The following FSCN1 variants were observed in gnomAD, a reference collection of about 807,000 sequenced individuals.
FSCN1 encodes the protein fascin.
In FSCN1, 10 loss-of-function variants were observed where a neutral mutation model predicts 39.7. That is an observed-to-expected ratio of 0.25 (90% CI 0.16 to 0.43). The LOEUF (loss-of-function observed/expected upper bound fraction) is 0.43, where lower values mean the gene tolerates loss of function less well. FSCN1 is among the 20% of genes least tolerant of loss of function. FSCN1 has a pLI of 1.00. For synonymous variants in FSCN1, 322 were observed against 320.0 expected, an observed-to-expected ratio of 1.01 and a Z score of -0.07; for missense variants, 525 against 723.8, an observed-to-expected ratio of 0.73 and a Z score of 3.15.
chr7:5,603,314 A>G lies in FSCN1; in HGVS notation c.890A>G (p.Glu297Gly), dbSNP rs1785868151. ...EETDQETFQL[E>G]IDRDTKKCAF... is the part of the protein sequence containing the mutation. ...ACCGACCAGGAGACCTTCCAGCTGG[A>G]GATCGACCGCGACACCAAAAAGTGT... The change falls in exon 2 of 5, where the codon GAG becomes GGG. Residue 297 changes from glutamate to glycine, a missense_variant. Around this residue, in one of 3 missense-constraint regions of FSCN1, gnomAD observed 275 missense variants for 351.9 expected, o/e 0.78. Coordinates refer to ENST00000382361, the MANE Select transcript of FSCN1 (RefSeq NM_003088.4). This position sits in a 1 kb window ranked among gnomAD's most constrained non-coding sequence, Gnocchi z 8.5. 2 of 1,613,414 alleles carry G rather than the reference A, an allele frequency of 1.2e-6. No homozygotes were observed. The highest frequency in any genetic ancestry group is 8.5e-7 in the Non-Finnish European group (1 of 1,180,026).
At chr7:5,594,662 G>A (rs370173394) in intron 1 of FSCN1, 27 of 152,184 alleles carry the variant, frequency 1.8e-4, no homozygotes, top group South Asian at 1.0e-3. Flanking sequence ...CCCGGGAACG[G>A]CGTGGCGCGG....
rs141031874 is a variant in FSCN1 at position 5,596,825 on chromosome 7, A to T, written c.832+3057A>T. On this transcript the variant is annotated intron_variant, in intron 1 of 4. Coordinates refer to ENST00000382361, the MANE Select transcript of FSCN1 (RefSeq NM_003088.4). ...AGCCCAGGGAATGGCTTGTATAAGG[A>T]TGCAGAGGCATTTGAAATGGCCAAG... Among the ~76,000 whole-genome samples the T allele has an allele frequency of 3.9e-4, 59 of 152,312 alleles. 1 individual carries two copies. Among genetic ancestry groups the T allele is most frequent in the African/African-American group, 1.4e-3 (59 of 41,574 alleles).
At chr7:5,602,067 C>T (rs1785841537) in intron 1 of FSCN1, among the ~76,000 whole-genome samples, 1 of 151,768 alleles carries the variant, frequency 6.6e-6, no homozygotes, top group African/African-American at 2.4e-5. Flanking sequence ...GCCTCAGCCT[C>T]AGGCAATTTT....
Position 5,605,415 on chromosome 7 carries a change from G to T in FSCN1, c.1423G>T (p.Ala475Ser). Residue 475 changes from alanine (A) to serine (S), a missense_variant, in exon 5 of 5, where the codon GCA becomes TCA. Coordinates refer to ENST00000382361, the MANE Select transcript of FSCN1 (RefSeq NM_003088.4). The surrounding 1 kb of genome is among the most constrained non-coding windows in gnomAD (Gnocchi z 6.9). ...VGGRYLKGDH[A>S]GVLKASAETV... ...CGGGCGCTACCTGAAGGGCGACCAC[G>T]CAGGCGTCCTGAAGGCCTCGGCGGA... 1.9e-6 allele frequency: 3 copies of T among 1,612,226 alleles called. No homozygotes were observed. Among genetic ancestry groups the T allele is most frequent in the Non-Finnish European group, 2.5e-6 (3 of 1,179,272 alleles).
rs1195072150 is a variant in FSCN1 at position 5,605,138 on chromosome 7, A to G, written c.1280-134A>G. The G allele has an allele frequency of 4.5e-6, 3 of 664,864 alleles. No individual in the cohort carries two copies. Among genetic ancestry groups the G allele is most frequent in the African/African-American group, 3.6e-5 (2 of 55,038 alleles). 41.2% of individuals were successfully genotyped at this position (664,864 alleles called of 1,614,324 possible). A position where few individuals can be genotyped will look rare whatever the true frequency, so the allele number is the denominator to read the frequency against. ...ACAGGAGGACGTGCGGGCCATAGGG[A>G]CCCTGGCTCATTCCGGAGCCGGGAC... On this transcript the variant is annotated intron_variant, in intron 4 of 4. Transcript: ENST00000382361. This position sits in a 1 kb window ranked among gnomAD's most constrained non-coding sequence, Gnocchi z 6.9.
chr7:5,604,135 C>A, intron 4 of FSCN1, 105 bp downstream of exon 4: 1 of 1,101,840 alleles, frequency 9.1e-7, no homozygotes, highest in Non-Finnish European at 1.3e-6. Context: ...CCTGGCTTGG[C>A]TCAGGGCCAT....
intron 1 of FSCN1, chr7:5,594,579 C>T (rs1785696997): frequency 6.6e-6 from 1 of 151,910 alleles, no homozygotes; most frequent in South Asian, 2.1e-4. Flanking sequence ...AGAGGAGCCC[C>T]CCGCGCCGCC....
chr7:5,602,148 T>G (rs1640236), intron 1 of FSCN1, among the ~76,000 whole-genome samples: 1 of 151,074 alleles, frequency 6.6e-6, no homozygotes, highest in Non-Finnish European at 1.5e-5. Context: ...TCGGGTGATC[T>G]GCCTGCCTTG....
chr7:5,593,282 G>A lies in FSCN1; in HGVS notation c.346G>A (p.Glu116Lys). 5.6e-6 allele frequency: 9 copies of A among 1,609,988 alleles called. No homozygotes were observed. Among genetic ancestry groups the A allele is most frequent in the Non-Finnish European group, 7.6e-6 (9 of 1,179,064 alleles). The stretch of plus-strand genomic sequence containing the variant: ...GCACCGGCGCTACTTCGGCGGCACC[G>A]AGGACCGCCTGTCCTGCTTCGCGCA... ...EAHRRYFGGT[E>K]DRLSCFAQTV... The change falls in exon 1 of 5, where the codon GAG (glutamate) becomes AAG (lysine). Residue 116 changes from glutamate to lysine, a missense_variant. By Grantham distance (56) the Glu-to-Lys change is moderately conservative (BLOSUM62 1). Coordinates refer to ENST00000382361, the MANE Select transcript of FSCN1 (RefSeq NM_003088.4).
Position 5,605,249 on chromosome 7 carries a change from A to T in FSCN1, c.1280-23A>T. On this transcript the variant is annotated intron_variant, in intron 4 of 4. Coordinates refer to ENST00000382361, the MANE Select transcript of FSCN1 (RefSeq NM_003088.4). This position sits in a 1 kb window ranked among gnomAD's most constrained non-coding sequence, Gnocchi z 6.9. Reference sequence around the variant, plus strand: ...GGTGGGGAGCCAGGCTTTGGGCCCCACTTGATAAAGTCCCCTCCCCAGACT... The same window carrying T: ...GGTGGGGAGCCAGGCTTTGGGCCCCTCTTGATAAAGTCCCCTCCCCAGACT... 1 of 1,592,470 alleles carries T rather than the reference A, an allele frequency of 6.3e-7. No homozygotes were observed. The highest frequency in any genetic ancestry group is 8.6e-7 in the Non-Finnish European group (1 of 1,161,380).
intron 4 of FSCN1, among the ~76,000 whole-genome samples, chr7:5,604,760 C>CGAGTAGCT (rs1336164911): frequency 6.6e-6 from 1 of 152,168 alleles, no homozygotes; most frequent in African/African-American, 2.4e-5. Context: ...CTCAGCCTCC[C>CGAGTAGCT]GAGTAGCTGG....
chr7:5,597,559 C>A (rs1453961595), intron 1 of FSCN1, among the ~76,000 whole-genome samples: 2 of 151,832 alleles, frequency 1.3e-5, no homozygotes, highest in African/African-American at 4.8e-5. Context: ...CCCAGCTACT[C>A]TGGAGGCTGA....
intron 1 of FSCN1, among the ~76,000 whole-genome samples, chr7:5,598,764 G>T (rs1785774320): frequency 6.6e-6 from 1 of 152,194 alleles, no homozygotes; most frequent in Admixed American, 6.5e-5. Flanking sequence ...CTGCTGGGGT[G>T]GGCCTGCAGG....
In FSCN1 at chr7:5,592,821, G is replaced by C. The variant is rs1208586500; in HGVS notation, c.-116G>C. Reference sequence around the variant, plus strand: ...GGCGCCGCTAGCTGGGCTTTGTGGAGCGCTGCGGAGGGTGCGTGCGGGCCG... The same window carrying C: ...GGCGCCGCTAGCTGGGCTTTGTGGACCGCTGCGGAGGGTGCGTGCGGGCCG... On this transcript the variant is annotated 5_prime_UTR_variant, in exon 1 of 5. Transcript: ENST00000382361. This position sits in a 1 kb window ranked among gnomAD's most constrained non-coding sequence, Gnocchi z 5.3. The C allele has an allele frequency of 8.1e-6, 5 of 619,644 alleles. No homozygotes were observed. Among genetic ancestry groups the C allele is most frequent in the South Asian group, 6.4e-5 (3 of 47,100 alleles). The allele number at this position is 619,644 out of a possible 1,614,324, so 38.4% of individuals were successfully genotyped here.
chr7:5,592,969 G>C lies in FSCN1; in HGVS notation c.33G>C (p.Gln11His). The C allele has an allele frequency of 1.3e-6, 2 of 1,583,604 alleles. No homozygotes were observed. The highest frequency in any genetic ancestry group is 8.6e-7 in the Non-Finnish European group (1 of 1,164,792). ...CCAACGGCACAGCCGAGGCGGTGCA[G>C]ATCCAGTTCGGCCTCATCAACTGCG... MTANGTAEAV[Q>H]IQFGLINCGN... is the part of the protein sequence containing the mutation. Residue 11 changes from glutamine (Q) to histidine (H), a missense_variant, in exon 1 of 5, where the codon CAG becomes CAC. By Grantham distance (24) the Gln-to-His change is conservative. This residue lies in a region of FSCN1 where 246 missense variants were observed against 350.6 expected (regional missense o/e 0.70). Transcript: ENST00000382361. The surrounding 1 kb of genome is among the most constrained non-coding windows in gnomAD (Gnocchi z 5.3).
In FSCN1 at chr7:5,592,984, C is replaced by G. The variant is rs914876953; in HGVS notation, c.48C>G (p.Leu16=). The G allele has an allele frequency of 1.9e-6, 3 of 1,592,774 alleles. No homozygotes were observed. The highest frequency in any genetic ancestry group is 2.7e-5 in the African/African-American group (2 of 74,508). ...AGGCGGTGCAGATCCAGTTCGGCCT[C>G]ATCAACTGCGGCAACAAGTACCTGA... ...TAEAVQIQFG[L]INCGNKYLTA... is the part of the protein sequence containing the mutation. Residue 16 remains leucine, a synonymous_variant, in exon 1 of 5, where the codon CTC becomes CTG. Transcript: ENST00000382361. This position sits in a 1 kb window ranked among gnomAD's most constrained non-coding sequence, Gnocchi z 5.3.
In FSCN1 at chr7:5,603,623, A is replaced by C. The variant is rs547060063; in HGVS notation, c.1111+6A>C. The C allele has an allele frequency of 3.1e-6, 5 of 1,613,964 alleles. No homozygotes were observed. In the African/African-American group the frequency reaches 6.7e-5, roughly 22 times the overall value. On this transcript the variant is annotated splice_donor_region_variant and intron_variant, in intron 3 of 4. Transcript: ENST00000382361. This position sits in a 1 kb window ranked among gnomAD's most constrained non-coding sequence, Gnocchi z 8.5. ...CGCCTCGGTGGAGACAGCAGGTAAC[A>C]CTAAAGCCCCAGTTCCCTGGAGCCG...
intron 1 of FSCN1, among the ~76,000 whole-genome samples, chr7:5,601,365 G>A (rs372190073): frequency 1.3e-4 from 20 of 151,598 alleles, no homozygotes; most frequent in Non-Finnish European, 2.5e-4. Context: ...ACCATGCCCA[G>A]CTAATTTTTG....
At chr7:5,593,876 G>A (rs974961204) in intron 1 of FSCN1, 108 bp downstream of exon 1, 1 of 785,790 alleles carries the variant, frequency 1.3e-6, no homozygotes, top group Non-Finnish European at 2.0e-6. Flanking sequence ...GCTGCGGTCC[G>A]GAGCACTGCC....
Sources: allele counts gnomAD v4.1 joint callset (sites outside exome capture counted in the v4.1 genomes callset), GRCh38; gene constraint gnomAD v4.1.1; regional missense constraint gnomAD v4.1.1; non-coding constraint Gnocchi (gnomAD v3.1); transcripts MANE v1.5; gene names NCBI Gene and HGNC (gene_info 2026-07-23, HGNC 2026-07-21).